The following CLVS1 variants were observed in gnomAD, a reference collection of about 807,000 sequenced individuals.
The protein encoded by CLVS1 is clavesin-1.
Under a neutral mutation model 33.1 loss-of-function variants are expected in CLVS1, and 10 were observed. The observed-to-expected ratio is 0.30, with a 90% CI of 0.19 to 0.51. The LOEUF is 0.51. CLVS1 is among the 20% of genes least tolerant of loss of function. The pLI, the probability that CLVS1 is intolerant of heterozygous loss-of-function variation, is 0.97. For missense variants in CLVS1, 343 were observed against 433.4 expected (o/e 0.79, Z 1.85); for synonymous variants, 163 against 166.1 (o/e 0.98, Z 0.14).
chr8:61,090,395 A>G (rs1336506402), intron 1 of CLVS1, among the ~76,000 whole-genome samples: 2 of 152,180 alleles, frequency 1.3e-5, no homozygotes, highest in Admixed American at 6.5e-5. Context: ...ATGTTACACC[A>G]GCAGAAGCAC....
In CLVS1 at chr8:61,454,227, T is replaced by A; in HGVS notation, c.717T>A (p.Phe239Leu). The A allele has an allele frequency of 6.2e-7, 1 of 1,613,906 alleles. No homozygotes were observed. Among genetic ancestry groups the A allele is most frequent in the Non-Finnish European group, 8.5e-7 (1 of 1,179,768 alleles). Residue 239 changes from phenylalanine to leucine, a missense_variant, in exon 4 of 6, where the codon TTT becomes TTA. Transcript: ENST00000325897. ...CCCTCTACACACTCATCAAGCCATT[T>A]CTTAAAGACAAGACCAGGAAACGGG... ...IHALYTLIKP[F>L]LKDKTRKRIF...
At chr8:61,449,588 A>G (rs980227869) in intron 3 of CLVS1, among the ~76,000 whole-genome samples, 1 of 152,200 alleles carries the variant, frequency 6.6e-6, no homozygotes, top group Admixed American at 6.5e-5. Context: ...TAGAGCAGCT[A>G]CTATCTAAAT....
intron 2 of CLVS1, among the ~76,000 whole-genome samples, chr8:61,312,702 C>A (rs1175576537): frequency 5.3e-5 from 8 of 152,190 alleles, no homozygotes; most frequent in Admixed American, 5.2e-4. Flanking sequence ...TTCATTTAAT[C>A]CTCAGGACAA....
chr8:61,437,357 C>G (rs1816369512), intron 3 of CLVS1, among the ~76,000 whole-genome samples: 1 of 152,188 alleles, frequency 6.6e-6, no homozygotes, highest in African/African-American at 2.4e-5. Flanking sequence ...TTGAAGCTAC[C>G]TTCAGAAGAA....
intron 2 of CLVS1, among the ~76,000 whole-genome samples, chr8:61,204,326 G>A (rs1190832184): frequency 6.6e-5 from 10 of 152,172 alleles, no homozygotes; most frequent in Non-Finnish European, 4.4e-5. Context: ...ATTTTAAAAA[G>A]CAAAATAAAG....
chr8:61,077,483 T>C (rs1804940744), intron 1 of CLVS1, among the ~76,000 whole-genome samples: 1 of 121,162 alleles, frequency 8.3e-6, no homozygotes, highest in Admixed American at 8.2e-5. Context: ...ATTATTATTA[T>C]TATTATTATT....
upstream of CLVS1, among the ~76,000 whole-genome samples, chr8:61,053,160 C>A (rs565350538): frequency 2.6e-5 from 4 of 152,134 alleles, no homozygotes; most frequent in Admixed American, 1.3e-4. Flanking sequence ...ATTTCAGACA[C>A]CTGTAGGTCA....
chr8:61,055,277 C>T (rs369717342), upstream of CLVS1, among the ~76,000 whole-genome samples: 3 of 152,228 alleles, frequency 2.0e-5, no homozygotes, highest in African/African-American at 7.2e-5. Flanking sequence ...TCTTAAACAC[C>T]CTCAAGCACT....
chr8:61,351,635 A>G (rs1252154159), intron 2 of CLVS1, among the ~76,000 whole-genome samples: 1 of 152,174 alleles, frequency 6.6e-6, no homozygotes, highest in Non-Finnish European at 1.5e-5. Flanking sequence ...AACACACATC[A>G]TAATCACACA....
chr8:61,246,239 G>A (rs1177303587), intron 2 of CLVS1, among the ~76,000 whole-genome samples: 1 of 116,828 alleles, frequency 8.6e-6, no homozygotes, highest in Non-Finnish European at 1.6e-5. Context: ...GTGTGATCTC[G>A]GCTCACTGGA....
intron 1 of CLVS1, among the ~76,000 whole-genome samples, chr8:61,117,449 C>T (rs981437838): frequency 6.6e-5 from 10 of 151,960 alleles, no homozygotes; most frequent in Admixed American, 5.2e-4. Flanking sequence ...TGTCTTGCGC[C>T]AGTTTTCAAA....
intron 5 of CLVS1, among the ~76,000 whole-genome samples, chr8:61,483,826 A>G (rs1315603736): frequency 6.6e-6 from 1 of 152,246 alleles, no homozygotes; most frequent in Non-Finnish European, 1.5e-5. Context: ...TCCATCATAT[A>G]AACAGAACCA....
intron 2 of CLVS1, among the ~76,000 whole-genome samples, chr8:61,232,385 C>T (rs1379735182): frequency 6.6e-6 from 1 of 152,054 alleles, no homozygotes; most frequent in Non-Finnish European, 1.5e-5. Context: ...AGGAGACCTC[C>T]AGTTAGCTAC....
Position 61,247,116 on chromosome 8 carries a change from A to T in CLVS1, c.-151-52561A>T, listed in dbSNP as rs191132287. ...GAATGATAGCCTCTAGCTCCATCAA[A>T]ACACATGATCTAATTATTTTTTATG... On this transcript the variant is annotated intron_variant, in intron 2 of 2. Coordinates refer to the CLVS1 transcript ENST00000522621. Among the ~76,000 whole-genome samples, 18 of 152,232 alleles carry T rather than the reference A, an allele frequency of 1.2e-4. No individual in the cohort carries two copies. The East Asian group carries it at 3.5e-3, about 29-fold the overall frequency.
At chr8:60,990,948 G>A in the CLVS1 span, among the ~76,000 whole-genome samples, 3 of 152,212 alleles carry the variant, frequency 2.0e-5, no homozygotes, top group South Asian at 2.1e-4. Flanking sequence ...CTGACCTCAA[G>A]TGATCCACCT....
At chr8:61,292,434 A>C in intron 1 of CLVS1, 1 of 456,054 alleles carries the variant, frequency 2.2e-6, no homozygotes, top group Non-Finnish European at 4.4e-6. Context: ...GGGGGCAAAT[A>C]GAGTTAATGG....
At chr8:60,971,254 T>G in the CLVS1 span, among the ~76,000 whole-genome samples, 2 of 152,242 alleles carry the variant, frequency 1.3e-5, no homozygotes, top group Admixed American at 1.3e-4. Flanking sequence ...TTTTTCTGTA[T>G]TTTTTGTAGC....
At chr8:61,446,898 T>C (rs1172082989) in intron 3 of CLVS1, among the ~76,000 whole-genome samples, 1 of 152,036 alleles carries the variant, frequency 6.6e-6, no homozygotes, top group Non-Finnish European at 1.5e-5. Context: ...TGATCAAAGA[T>C]TTTCCTCTTA....
At chr8:61,000,787 C>T in the CLVS1 span, among the ~76,000 whole-genome samples, 1 of 152,174 alleles carries the variant, frequency 6.6e-6, no homozygotes, top group Non-Finnish European at 1.5e-5. Flanking sequence ...TGACCCTTCA[C>T]AGTGACTGAA....
Sources: allele counts gnomAD v4.1 joint callset (sites outside exome capture counted in the v4.1 genomes callset), GRCh38; gene constraint gnomAD v4.1.1; transcripts MANE v1.5; gene names NCBI Gene and HGNC (gene_info 2026-07-23, HGNC 2026-07-21).